The following FAAH2 variants were observed in gnomAD, a reference collection of about 807,000 sequenced individuals.
FAAH2 encodes the protein fatty acid amide hydrolase 2.
Under a neutral mutation model 36.9 loss-of-function variants are expected in FAAH2, and 60 were observed. The ratio of observed to expected loss-of-function variants is 1.63; its 90% CI spans 1.32 to 2.02. The LOEUF (loss-of-function observed/expected upper bound fraction) is 2.02, where lower values mean the gene tolerates loss of function less well. Ranked by LOEUF, FAAH2 falls within the 30% of genes most tolerant of loss-of-function variation. The pLI, the probability that FAAH2 is intolerant of heterozygous loss-of-function variation, is 0.00. For missense variants in FAAH2, 689 were observed against 397.5 expected (o/e 1.73, Z -6.23); for synonymous variants, 214 against 143.8 (o/e 1.49, Z -3.49).
the FAAH2 span, among the ~76,000 whole-genome samples, chrX:57,279,393 G>A: frequency 8.9e-6 from 1 of 112,187 alleles, no homozygotes; most frequent in Non-Finnish European, 1.9e-5. Flanking sequence ...ATAAGTGGGA[G>A]TTGAACAATG....
intron 9 of FAAH2, among the ~76,000 whole-genome samples, chrX:57,448,036 C>T (rs894648124): frequency 4.5e-5 from 5 of 111,868 alleles, no homozygotes; most frequent in African/African-American, 1.6e-4. Flanking sequence ...GATGTCCAGG[C>T]TGGAGTGCAG....
At chrX:57,322,157 C>T (rs771938241) in intron 3 of FAAH2, among the ~76,000 whole-genome samples, 16 of 111,506 alleles carry the variant, frequency 1.4e-4, no homozygotes, top group African/African-American at 4.2e-4. Context: ...CATCCGCCAC[C>T]GCGCCTGGCT....
the FAAH2 span, among the ~76,000 whole-genome samples, chrX:57,246,638 T>G: frequency 8.9e-6 from 1 of 112,046 alleles, no homozygotes; most frequent in Non-Finnish European, 1.9e-5. Context: ...ATCTCAATAA[T>G]ACTGGGTATA....
At chrX:57,184,181 T>C in the FAAH2 span, among the ~76,000 whole-genome samples, 1 of 111,773 alleles carries the variant, frequency 8.9e-6, no homozygotes, top group Non-Finnish European at 1.9e-5. Context: ...CCTGTCATCT[T>C]TGTTGGACCC....
At chrX:57,374,743 G>A (rs1405098769) in intron 5 of FAAH2, among the ~76,000 whole-genome samples, 4 of 111,280 alleles carry the variant, frequency 3.6e-5, no homozygotes, top group African/African-American at 1.3e-4. Context: ...TTCCAGTACT[G>A]TGTTGAATAG....
At chrX:57,229,411 T>C in the FAAH2 span, 1 of 112,164 alleles carries the variant, frequency 8.9e-6, no homozygotes, top group Non-Finnish European at 1.9e-5. Context: ...CCTTCACCCA[T>C]GAAGGGCTAA....
rs369962147 is a variant in FAAH2, at chrX:57,488,780, C to T, written c.1447C>T (p.Pro483Ser). Residue 483 changes from proline to serine, a missense_variant, in exon 11 of 11, where the codon CCT becomes TCT. Pro to Ser is a moderately conservative substitution (Grantham distance 74). Coordinates refer to ENST00000374900, the MANE Select transcript of FAAH2 (RefSeq NM_174912.4). ...AGGTGTCTTCAGTGCCCTGGGTTTG[C>T]CTGTGACCCAATGCCCACTGGGACT... The part of the protein sequence containing the change: ...YTGVFSALGL[P>S]VTQCPLGLNA... 10 of 1,208,772 alleles carry T rather than the reference C, an allele frequency of 8.3e-6. No homozygotes were observed. In the African/African-American group the frequency reaches 1.6e-4, roughly 19 times the overall value.
At chrX:57,287,228 G>T (rs911427711) in intron 1 of FAAH2, among the ~76,000 whole-genome samples, 27 of 111,164 alleles carry the variant, frequency 2.4e-4, no homozygotes, top group African/African-American at 8.5e-4. Flanking sequence ...GGACTATTTT[G>T]GTACCGTCAT....
the FAAH2 span, among the ~76,000 whole-genome samples, chrX:57,233,130 G>A: frequency 8.9e-6 from 1 of 111,810 alleles, no homozygotes; most frequent in African/African-American, 3.3e-5. Context: ...TGTCTTATGA[G>A]GAGTAGCTAG....
At chrX:57,358,209 T>C (rs1212408018) in intron 5 of FAAH2, among the ~76,000 whole-genome samples, 3 of 109,994 alleles carry the variant, frequency 2.7e-5, no homozygotes, top group Non-Finnish European at 5.7e-5. Context: ...GGTAAGAACA[T>C]TTAACATGAC....
In FAAH2 at chrX:57,456,965, A is replaced by G. The variant is rs771694728; in HGVS notation, c.1423+8247A>G. Among the ~76,000 whole-genome samples the G allele has an allele frequency of 2.7e-5, 3 of 111,954 alleles. No individual in the cohort carries two copies. The South Asian group carries it at 1.1e-3, about 42-fold the overall frequency. On this transcript the variant is annotated intron_variant, in intron 10 of 10. Coordinates refer to ENST00000374900, the MANE Select transcript of FAAH2 (RefSeq NM_174912.4). ...ATGAATCCAGCAGCATTCTGATACA[A>G]AAATCTGGCAGAGACAAAATGTAAA...
chrX:57,230,009 C>A, the FAAH2 span, among the ~76,000 whole-genome samples: 1 of 111,733 alleles, frequency 8.9e-6, no homozygotes. Flanking sequence ...AGTACTATTC[C>A]ACATCTAAGT....
chrX:57,187,180 A>G, the FAAH2 span, among the ~76,000 whole-genome samples: 1 of 111,525 alleles, frequency 9.0e-6, no homozygotes, highest in Non-Finnish European at 1.9e-5. Context: ...CACAATATTG[A>G]TTGTTTCTAT....
intron 8 of FAAH2, among the ~76,000 whole-genome samples, chrX:57,437,813 AT>A: frequency 9.8e-6 from 1 of 102,299 alleles, no homozygotes; most frequent in East Asian, 3.0e-4. Flanking sequence ...TCAGATTTAT[AT>A]TTTTAAATTA....
intron 7 of FAAH2, among the ~76,000 whole-genome samples, chrX:57,419,897 A>G (rs1281997521): frequency 9.0e-6 from 1 of 111,627 alleles, no homozygotes; most frequent in Non-Finnish European, 1.9e-5. Flanking sequence ...ATTTTTGTAT[A>G]AGGTGTAAGG....
chrX:57,433,266 G>T (rs1380185634), intron 8 of FAAH2, among the ~76,000 whole-genome samples: 1 of 110,504 alleles, frequency 9.0e-6, no homozygotes, highest in Non-Finnish European at 1.9e-5. Context: ...AAGAAAAAGA[G>T]GGGGGAAAAA....
the FAAH2 span, among the ~76,000 whole-genome samples, chrX:57,251,747 A>G: frequency 8.9e-6 from 1 of 111,988 alleles, no homozygotes; most frequent in East Asian, 2.8e-4. Context: ...GCCGAATAGG[A>G]ACAGCTCTGG....
At chrX:57,436,441 T>G (rs769319433) in intron 8 of FAAH2, among the ~76,000 whole-genome samples, 1 of 109,235 alleles carries the variant, frequency 9.2e-6, no homozygotes, top group Admixed American at 9.8e-5. Flanking sequence ...AAACAGGAAG[T>G]GTTGGTTCTT....
the FAAH2 span, among the ~76,000 whole-genome samples, chrX:57,127,802 G>A: frequency 1.1e-4 from 12 of 110,133 alleles, no homozygotes; most frequent in African/African-American, 3.9e-4. Flanking sequence ...TTAAATCCCT[G>A]GTATGTATTC....
Sources: gnomAD v4.1 joint callset for allele counts (sites outside exome capture counted in the v4.1 genomes callset) on GRCh38, gnomAD v4.1.1 for gene constraint, MANE v1.5 for transcripts, NCBI Gene and HGNC (gene_info 2026-07-23, HGNC 2026-07-21) for gene names.